Variants in GRID2 observed in about 807,000 individuals in gnomAD.
The protein encoded by GRID2 is glutamate receptor ionotropic, delta-2.
GRID2 carries 33 observed loss-of-function variants against 114.8 expected under a neutral mutation model. The ratio of observed to expected loss-of-function variants is 0.29; its 90% CI spans 0.22 to 0.38. The LOEUF is 0.38. Among genes scored for constraint, GRID2 ranks in the 10% least tolerant of loss-of-function variants. The pLI is 1.00. For missense variants in GRID2, 1,184 were observed against 1,257.7 expected (o/e 0.94, Z 0.89); for synonymous variants, 505 against 449.9 (o/e 1.12, Z -1.55).
intron 4 of GRID2, among the ~76,000 whole-genome samples, chr4:93,195,193 T>A (rs1177283781): frequency 1.3e-5 from 2 of 152,116 alleles, no homozygotes; most frequent in Middle Eastern, 3.2e-3. Flanking sequence ...TCAGTTTGAG[T>A]TACTGGTACA....
chr4:93,027,523 T>C (rs1723994275), intron 2 of GRID2, among the ~76,000 whole-genome samples: 4 of 152,160 alleles, frequency 2.6e-5, no homozygotes, highest in Admixed American at 2.6e-4. Context: ...ACAAGTTTTA[T>C]TAATCTTTGC....
chr4:93,218,190 T>C (rs1579323356), intron 6 of GRID2, among the ~76,000 whole-genome samples: 1 of 152,138 alleles, frequency 6.6e-6, no homozygotes, highest in Admixed American at 6.6e-5. Context: ...CTACTAGATT[T>C]TAAGCTCCTT....
rs188713255 is a variant in GRID2 at position 93,296,367 on chromosome 4, A to G, written c.1245+57877A>G. On this transcript the variant is annotated intron_variant, in intron 8 of 15. Transcript: ENST00000282020. ...ATCCTTAATTTAATCCCATCTGTAG[A>G]GACCCATTTTCCTTGAAAGATAACT... is the stretch of plus-strand genomic sequence containing the variant. Among the ~76,000 whole-genome samples the G allele has an allele frequency of 7.5e-4, 111 of 147,640 alleles. 1 individual carries two copies. Among genetic ancestry groups the G allele is most frequent in the African/African-American group, 2.7e-3 (110 of 40,622 alleles).
chr4:92,619,052 G>T (rs1352584145), intron 2 of GRID2, among the ~76,000 whole-genome samples: 1 of 151,440 alleles, frequency 6.6e-6, no homozygotes, highest in African/African-American at 2.4e-5. Flanking sequence ...GTTTGAATTT[G>T]TCTTTGTTTT....
At chr4:92,450,983 G>A (rs545990131) in intron 1 of GRID2, among the ~76,000 whole-genome samples, 23 of 151,042 alleles carry the variant, frequency 1.5e-4, no homozygotes, top group African/African-American at 5.6e-4. Context: ...AAAACAAATA[G>A]TTGTTTCTAT....
At chr4:92,488,910 C>G (rs1006845569) in intron 1 of GRID2, among the ~76,000 whole-genome samples, 1 of 152,172 alleles carries the variant, frequency 6.6e-6, no homozygotes, top group East Asian at 1.9e-4. Context: ...CCTCTCTGTG[C>G]TTGTCTGAAA....
intron 9 of GRID2, among the ~76,000 whole-genome samples, chr4:93,411,959 A>G (rs1767189698): frequency 6.6e-6 from 1 of 151,962 alleles, no homozygotes. Flanking sequence ...AAAAAAGAAA[A>G]AAGAAAAAAA....
chr4:92,391,370 A>G (rs1730230610), intron 1 of GRID2, among the ~76,000 whole-genome samples: 1 of 152,150 alleles, frequency 6.6e-6, no homozygotes, highest in Non-Finnish European at 1.5e-5. Flanking sequence ...TGAGGATTAA[A>G]AGTCATAATA....
intron 8 of GRID2, among the ~76,000 whole-genome samples, chr4:93,367,647 G>A (rs1762469649): frequency 6.6e-6 from 1 of 152,124 alleles, no homozygotes; most frequent in Non-Finnish European, 1.5e-5. Context: ...ACAGAGTGGA[G>A]TAGACATAAT....
At chr4:93,345,824 G>A (rs780794977) in intron 8 of GRID2, among the ~76,000 whole-genome samples, 2 of 152,002 alleles carry the variant, frequency 1.3e-5, no homozygotes, top group South Asian at 2.1e-4. Context: ...TTTATTTTTA[G>A]TGTGAGATAA....
At chr4:93,517,947 A>G (rs62319477) in intron 13 of GRID2, among the ~76,000 whole-genome samples, 1 of 33,192 alleles carries the variant, frequency 3.0e-5, no homozygotes, top group Admixed American at 2.5e-4. Context: ...GTATATACAT[A>G]CATGTATATG....
At chr4:92,924,400 T>TAAA (rs76398831) in intron 2 of GRID2, among the ~76,000 whole-genome samples, 1 of 143,038 alleles carries the variant, frequency 7.0e-6, no homozygotes, top group Non-Finnish European at 1.5e-5. Flanking sequence ...AAAGTATAAT[T>TAAA]AAAAAAAAAA....
At chr4:93,262,029 A>C (rs2149550889) in intron 8 of GRID2, among the ~76,000 whole-genome samples, 1 of 151,672 alleles carries the variant, frequency 6.6e-6, no homozygotes, top group African/African-American at 2.4e-5. Flanking sequence ...TCTTCCACAA[A>C]GGGTTTAAAG....
chr4:92,633,682 T>A (rs77747230), intron 2 of GRID2, among the ~76,000 whole-genome samples: 2,360 of 152,248 alleles, frequency 0.016, 52 homozygotes, highest in African/African-American at 0.053. Context: ...GGGTACAGCT[T>A]GTGTCTAAAT....
intron 2 of GRID2, among the ~76,000 whole-genome samples, chr4:92,918,402 G>C (rs1163871292): frequency 4.6e-5 from 7 of 152,124 alleles, no homozygotes; most frequent in Admixed American, 4.6e-4. Context: ...AATAGGAGTG[G>C]TGAGAGAGGG....
intron 2 of GRID2, among the ~76,000 whole-genome samples, chr4:92,765,271 A>C (rs1462990710): frequency 6.6e-6 from 1 of 152,244 alleles, no homozygotes; most frequent in Non-Finnish European, 1.5e-5. Context: ...AGAATGTTAC[A>C]GAACACATGG....
chr4:92,724,477 C>T (rs1326682031), intron 2 of GRID2, among the ~76,000 whole-genome samples: 1 of 152,160 alleles, frequency 6.6e-6, no homozygotes, highest in Non-Finnish European at 1.5e-5. Context: ...CACTTGGAGT[C>T]TGAAATCAAA....
intron 14 of GRID2, among the ~76,000 whole-genome samples, chr4:93,691,529 T>C (rs941263262): frequency 3.9e-5 from 6 of 152,102 alleles, no homozygotes; most frequent in Non-Finnish European, 7.4e-5. Flanking sequence ...ATTAGCTTTG[T>C]GACCTAAAAG....
chr4:93,409,096 G>A (rs1766839946), intron 9 of GRID2, among the ~76,000 whole-genome samples: 1 of 152,112 alleles, frequency 6.6e-6, no homozygotes, highest in South Asian at 2.1e-4. Flanking sequence ...TCTGGAAAAT[G>A]ACTTAATACC....
Sources: gnomAD v4.1 joint callset for allele counts (sites outside exome capture counted in the v4.1 genomes callset) on GRCh38, gnomAD v4.1.1 for gene constraint, MANE v1.5 for transcripts, NCBI Gene and HGNC (gene_info 2026-07-23, HGNC 2026-07-21) for gene names.